RPTOR: variants seen among roughly 807,000 people sequenced by gnomAD.
The protein encoded by RPTOR is regulatory-associated protein of mTOR.
Under a neutral mutation model 169.9 loss-of-function variants are expected in RPTOR, and 21 were observed. The observed-to-expected ratio is 0.12, with a 90% CI of 0.09 to 0.18. The LOEUF is 0.18. Among genes scored for constraint, RPTOR ranks in the 10% least tolerant of loss-of-function variants. RPTOR has a pLI of 1.00. For synonymous variants in RPTOR, 732 were observed against 753.2 expected (o/e 0.97, Z 0.46); for missense variants, 1,133 against 1,855.9 (o/e 0.61, Z 7.16).
At chr17:80,599,304 C>G (rs2065168883) in intron 1 of RPTOR, among the ~76,000 whole-genome samples, 1 of 151,436 alleles carries the variant, frequency 6.6e-6, no homozygotes, top group South Asian at 2.1e-4. Flanking sequence ...CACCCCCAGA[C>G]TTAAGTCTTC....
intron 6 of RPTOR, among the ~76,000 whole-genome samples, chr17:80,763,972 C>CGT (rs987597220): frequency 2.0e-5 from 3 of 151,894 alleles, no homozygotes; most frequent in Non-Finnish European, 4.4e-5. Context: ...TTGTTTCATC[C>CGT]TGACATCAAC....
chr17:80,713,790 A>G (rs1020915332), intron 4 of RPTOR, among the ~76,000 whole-genome samples: 3 of 152,168 alleles, frequency 2.0e-5, no homozygotes, highest in Non-Finnish European at 4.4e-5. Context: ...CGTGCGCTTA[A>G]TATCAGAGTT....
intron 4 of RPTOR, among the ~76,000 whole-genome samples, chr17:80,714,888 T>C (rs1423948845): frequency 6.6e-6 from 1 of 152,054 alleles, no homozygotes; most frequent in Non-Finnish European, 1.5e-5. Context: ...CGTTCCCAGC[T>C]ATTTTTGTAT....
At position 80,634,886 on chromosome 17, in the gene RPTOR, TTGTG is replaced by T. The variant is rs569200793; in HGVS notation, c.266-8837_266-8834del. On this transcript the variant is annotated intron_variant, in intron 2 of 33. Coordinates refer to ENST00000306801, the MANE Select transcript of RPTOR (RefSeq NM_020761.3). Reference sequence around the variant, plus strand: ...TGTGTGTGCATACTGTGTGCATACTTTGTGTGTGCATAGTGTGTGCGTGTGCATA... The same window carrying T: ...TGTGTGTGCATACTGTGTGCATACTTTGTGCATAGTGTGTGCGTGTGCATA... Among the ~76,000 whole-genome samples, 330 of 132,366 alleles carry T rather than the reference TTGTG, an allele frequency of 2.5e-3. 2 individuals are homozygous for T. Among genetic ancestry groups the T allele is most frequent in the African/African-American group, 8.9e-3 (311 of 34,980 alleles). 86.8% of individuals were successfully genotyped at this position (132,366 alleles called of 152,430 possible). A position where few individuals can be genotyped will look rare whatever the true frequency, so the allele number is the denominator to read the frequency against.
In RPTOR at chr17:80,940,433, T is replaced by A; in HGVS notation, c.2920-63T>A. 3 of 1,434,538 alleles carry A rather than the reference T, an allele frequency of 2.1e-6. No individual in the cohort carries two copies. In the South Asian group the frequency reaches 3.7e-5, roughly 18 times the overall value. The allele number at this position is 1,434,538 out of a possible 1,614,324, so 88.9% of individuals were successfully genotyped here. A position where few individuals can be genotyped will look rare whatever the true frequency, so the allele number is the denominator to read the frequency against. ...GAGGGGTCCTAGAACCCATACCCCA[T>A]TGATACCAAGAGACAACCCTGTTTC... On this transcript the variant is annotated intron_variant, in intron 24 of 33. Coordinates refer to ENST00000306801, the MANE Select transcript of RPTOR (RefSeq NM_020761.3).
intron 13 of RPTOR, among the ~76,000 whole-genome samples, chr17:80,870,369 A>G (rs2068038792): frequency 6.6e-6 from 1 of 152,238 alleles, no homozygotes; most frequent in Non-Finnish European, 1.5e-5. Flanking sequence ...TTGTTTCTGC[A>G]GCCCCCACGT....
intron 4 of RPTOR, among the ~76,000 whole-genome samples, chr17:80,728,637 C>T (rs1196809912): frequency 2.0e-5 from 3 of 152,072 alleles, no homozygotes. Context: ...GTCTCCCTCA[C>T]TAATACCATC....
chr17:80,816,319 GGC>G (rs1283904531), intron 7 of RPTOR, among the ~76,000 whole-genome samples: 1 of 152,232 alleles, frequency 6.6e-6, no homozygotes, highest in African/African-American at 2.4e-5. Flanking sequence ...TGGGAGGCCT[GGC>G]TGGCCCCAGT....
intron 1 of RPTOR, among the ~76,000 whole-genome samples, chr17:80,551,901 G>A (rs1437157206): frequency 6.6e-6 from 1 of 152,184 alleles, no homozygotes; most frequent in African/African-American, 2.4e-5. Context: ...GTGTCCCTGG[G>A]TACTTGAGAT....
intron 1 of RPTOR, among the ~76,000 whole-genome samples, chr17:80,574,356 C>T (rs902429368): frequency 2.7e-5 from 4 of 150,138 alleles, no homozygotes; most frequent in Admixed American, 2.0e-4. Context: ...TTAGTAGAGA[C>T]GGGGTTTCAC....
chr17:80,914,046 C>A (rs1049073822), intron 21 of RPTOR, among the ~76,000 whole-genome samples: 1 of 152,246 alleles, frequency 6.6e-6, no homozygotes, highest in African/African-American at 2.4e-5. Flanking sequence ...TGTGCGCTGG[C>A]CGCTGCCTCT....
chr17:80,954,553 A>G (rs1251718029), intron 28 of RPTOR, among the ~76,000 whole-genome samples: 1 of 152,264 alleles, frequency 6.6e-6, no homozygotes, highest in South Asian at 2.1e-4. Flanking sequence ...GTGTAAACAC[A>G]TCTGGCCTGG....
intron 13 of RPTOR, among the ~76,000 whole-genome samples, chr17:80,866,707 C>T (rs777623150): frequency 6.6e-6 from 1 of 152,116 alleles, no homozygotes; most frequent in Non-Finnish European, 1.5e-5. Context: ...ATGACACATA[C>T]CACTCACTGA....
chr17:80,834,157 G>A (rs1362985813), intron 9 of RPTOR, among the ~76,000 whole-genome samples: 2 of 152,228 alleles, frequency 1.3e-5, no homozygotes, highest in East Asian at 1.9e-4. Flanking sequence ...CAGTACCTCC[G>A]TCTTCCCTGC....
At position 80,730,770 on chromosome 17, in the gene RPTOR, T is replaced by G; in HGVS notation, c.654+64T>G. 13 of 1,055,482 alleles carry G rather than the reference T, an allele frequency of 1.2e-5. No homozygotes were observed. The highest frequency in any genetic ancestry group is 1.7e-5 in the Non-Finnish European group (12 of 726,736). 65.4% of individuals were successfully genotyped at this position (1,055,482 alleles called of 1,614,324 possible). On this transcript the variant is annotated intron_variant, in intron 5 of 33. Transcript: ENST00000306801. The surrounding 1 kb of genome is among the most constrained non-coding windows in gnomAD (Gnocchi z 4.2). ...GTTTTGTTTTCCCTGGGGGTGGGGT[T>G]TGGGTGGGGAGGTTGGGAGGTGTTG...
chr17:80,632,226 C>T (rs756009730), intron 2 of RPTOR, among the ~76,000 whole-genome samples: 1 of 152,226 alleles, frequency 6.6e-6, no homozygotes, highest in Admixed American at 6.5e-5. Flanking sequence ...ATCCGTCCCT[C>T]GTCACAGCTG....
rs889184022 is a variant in RPTOR at position 80,845,681 on chromosome 17, T to C, written c.1213-792T>C. ...AGCGTCCTGTCCCCATTACTCCACA[T>C]CTACAAAAAGCACTTCCTGACCCTA... On this transcript the variant is annotated intron_variant, in intron 10 of 33. Coordinates refer to ENST00000306801, the MANE Select transcript of RPTOR (RefSeq NM_020761.3). This position sits in a 1 kb window ranked among gnomAD's most constrained non-coding sequence, Gnocchi z 5.4. 2.6e-4 allele frequency among the ~76,000 whole-genome samples: 39 copies of C among 151,738 alleles called. No individual in the cohort carries two copies. Among genetic ancestry groups the C allele is most frequent in the African/African-American group, 9.0e-4 (37 of 41,284 alleles).
chr17:80,716,968 A>G (rs898029787), intron 4 of RPTOR, among the ~76,000 whole-genome samples: 1 of 152,262 alleles, frequency 6.6e-6, no homozygotes, highest in African/African-American at 2.4e-5. Flanking sequence ...TTTGGTGACT[A>G]TGGCCTTATA....
intron 26 of RPTOR, 46 bp downstream of exon 26, chr17:80,945,827 C>T (rs1280545138): frequency 1.8e-6 from 2 of 1,126,924 alleles, no homozygotes; most frequent in Non-Finnish European, 2.5e-6. Context: ...GACCGACAGC[C>T]CCAGCGATGC....
Sources: allele counts gnomAD v4.1 joint callset (sites outside exome capture counted in the v4.1 genomes callset), GRCh38; gene constraint gnomAD v4.1.1; non-coding constraint Gnocchi (gnomAD v3.1); transcripts MANE v1.5; gene names NCBI Gene and HGNC (gene_info 2026-07-23, HGNC 2026-07-21).